The following NEBL variants were observed in gnomAD, a reference collection of about 807,000 sequenced individuals.
NEBL encodes LIM and SH3 protein 2.
In NEBL, 122 loss-of-function variants were observed where a neutral mutation model predicts 140.2. That is an observed-to-expected ratio of 0.87 (90% CI 0.75 to 1.01). The LOEUF is 1.01. Ranked by LOEUF, NEBL falls within the 50% of genes least tolerant of loss-of-function variation. The pLI is 0.00. For synonymous variants in NEBL, 436 were observed against 398.9 expected, an observed-to-expected ratio of 1.09 and a Z score of -1.11; for missense variants, 1,365 against 1,231.3, an observed-to-expected ratio of 1.11 and a Z score of -1.62.
chr10:21,199,793 C>G (rs1203330774), intron 3 of NEBL, among the ~76,000 whole-genome samples: 1 of 152,184 alleles, frequency 6.6e-6, no homozygotes, highest in Non-Finnish European at 1.5e-5. Flanking sequence ...GCTCTCACAC[C>G]CAGTGTGTGC....
intron 4 of NEBL, among the ~76,000 whole-genome samples, chr10:20,930,396 C>G (rs920506697): frequency 6.6e-6 from 1 of 152,188 alleles, no homozygotes; most frequent in Non-Finnish European, 1.5e-5. Context: ...CCCTATCTCA[C>G]GTGTCTCCTG....
At chr10:20,801,435 A>G (rs1242735708) in intron 26 of NEBL, among the ~76,000 whole-genome samples, 1 of 151,840 alleles carries the variant, frequency 6.6e-6, no homozygotes, top group Non-Finnish European at 1.5e-5. Context: ...GACCTCAAGT[A>G]ACCTGCTTGC....
intron 3 of NEBL, among the ~76,000 whole-genome samples, chr10:21,229,310 A>T (rs1842212639): frequency 6.6e-6 from 1 of 152,080 alleles, no homozygotes; most frequent in Non-Finnish European, 1.5e-5. Context: ...GGTCCCAGCT[A>T]CCTGGGAAAC....
intron 2 of NEBL, among the ~76,000 whole-genome samples, chr10:21,113,633 C>G (rs1589247865): frequency 6.6e-6 from 1 of 152,028 alleles, no homozygotes; most frequent in Admixed American, 6.6e-5. Context: ...TTGCCCAGGT[C>G]CCATTGCCCA....
At chr10:21,118,944 C>G (rs1838399241) in intron 2 of NEBL, among the ~76,000 whole-genome samples, 1 of 152,132 alleles carries the variant, frequency 6.6e-6, no homozygotes, top group Non-Finnish European at 1.5e-5. Context: ...TTACAGGGCA[C>G]ATTCATACAC....
At chr10:20,986,259 G>A (rs190162978) in intron 3 of NEBL, among the ~76,000 whole-genome samples, 20 of 152,258 alleles carry the variant, frequency 1.3e-4, no homozygotes, top group Non-Finnish European at 2.6e-4. Context: ...TCAAAGGTTG[G>A]TTCCGCTGTT....
intron 9 of NEBL, among the ~76,000 whole-genome samples, chr10:20,855,436 A>G (rs1447042889): frequency 6.6e-6 from 1 of 151,806 alleles, no homozygotes; most frequent in East Asian, 1.9e-4. Context: ...ATATATACTG[A>G]AAAATTCAGT....
At chr10:21,030,475 C>T in intron 2 of NEBL, 1 of 760,142 alleles carries the variant, frequency 1.3e-6, no homozygotes, top group Non-Finnish European at 2.3e-6. Flanking sequence ...CTGATCAGCC[C>T]CAAAAGGTAA....
At chr10:20,985,712 G>C (rs185920828) in intron 3 of NEBL, among the ~76,000 whole-genome samples, 365 of 152,082 alleles carry the variant, frequency 2.4e-3, no homozygotes, top group African/African-American at 8.4e-3. Flanking sequence ...CAATCTACTA[G>C]TATGCAGCTA....
At chr10:20,940,920 G>C (rs1464800679) in intron 4 of NEBL, among the ~76,000 whole-genome samples, 2 of 152,090 alleles carry the variant, frequency 1.3e-5, no homozygotes, top group Admixed American at 1.3e-4. Context: ...CCAATAACAG[G>C]CTCTGAAATT....
Position 20,823,255 on chromosome 10 carries a change from G to C in NEBL, c.1915C>G (p.Pro639Ala). Residue 639 changes from proline (P) to alanine (A), a missense_variant, in exon 19 of 28, where the codon CCT becomes GCT. Pro to Ala is a conservative substitution (Grantham distance 27). This residue lies in a region of NEBL where 1,323 missense variants were observed against 1,154.8 expected (regional missense o/e 1.15). Coordinates refer to ENST00000377122, the MANE Select transcript of NEBL (RefSeq NM_006393.3). ...TCTTTAACTCTCTTTAGTTCTGGAG[G>C]ATCAGAAATGGCTGTTGCATGTTTA... ...EIKHATAISD[P>A]PELKRVKENQ... The C allele has an allele frequency of 6.2e-7, 1 of 1,609,546 alleles. No homozygotes were observed. The highest frequency in any genetic ancestry group is 8.5e-7 in the Non-Finnish European group (1 of 1,178,170).
At chr10:21,013,603 C>T (rs369796814) in intron 3 of NEBL, among the ~76,000 whole-genome samples, 32 of 152,178 alleles carry the variant, frequency 2.1e-4, no homozygotes, top group African/African-American at 7.5e-4. Flanking sequence ...GAGGGCCAGG[C>T]GCAGTGGCTC....
chr10:21,081,341 G>T (rs1164828701), intron 2 of NEBL, among the ~76,000 whole-genome samples: 2 of 152,300 alleles, frequency 1.3e-5, no homozygotes, highest in Non-Finnish European at 2.9e-5. Flanking sequence ...TGGGAAGCAG[G>T]GGAAAGGCAG....
chr10:21,209,854 T>G (rs1373754809), intron 3 of NEBL, among the ~76,000 whole-genome samples: 1 of 151,986 alleles, frequency 6.6e-6, no homozygotes, highest in African/African-American at 2.4e-5. Context: ...TGACACTGTC[T>G]TTCCTTGCAC....
chr10:21,020,258 T>A (rs1838733431), intron 2 of NEBL: 2 of 1,446,510 alleles, frequency 1.4e-6, no homozygotes, highest in Non-Finnish European at 9.7e-7. Context: ...AAAACAACAC[T>A]TTCACACCCA....
At chr10:21,168,983 A>AGCTTGCAG (rs1391074545) in intron 2 of NEBL, among the ~76,000 whole-genome samples, 1 of 145,930 alleles carries the variant, frequency 6.9e-6, no homozygotes, top group Non-Finnish European at 1.5e-5. Context: ...CAGGAGGCAG[A>AGCTTGCAG]GCTTGCAGTG....
At chr10:20,901,414 A>G (rs1847863379), upstream of NEBL, among the ~76,000 whole-genome samples, 1 of 152,190 alleles carries the variant, frequency 6.6e-6, no homozygotes, top group African/African-American at 2.4e-5. Flanking sequence ...GAGGTCGCCT[A>G]TGACAAGACT....
At chr10:20,988,505 A>G (rs1589112405) in intron 3 of NEBL, among the ~76,000 whole-genome samples, 1 of 151,608 alleles carries the variant, frequency 6.6e-6, no homozygotes, top group Non-Finnish European at 1.5e-5. Flanking sequence ...GCTAAAGCCA[A>G]CTCCTCCCTC....
chr10:20,918,738 C>T (rs1833433962), intron 4 of NEBL, among the ~76,000 whole-genome samples: 1 of 151,428 alleles, frequency 6.6e-6, no homozygotes, highest in Non-Finnish European at 1.5e-5. Flanking sequence ...ATAGTCCCAG[C>T]TACTCGGGAG....
Sources: allele counts gnomAD v4.1 joint callset (sites outside exome capture counted in the v4.1 genomes callset), GRCh38; gene constraint gnomAD v4.1.1; regional missense constraint gnomAD v4.1.1; transcripts MANE v1.5; gene names NCBI Gene and HGNC (gene_info 2026-07-23, HGNC 2026-07-21).